PPFIA2: variants seen among roughly 807,000 people sequenced by gnomAD.
The protein encoded by PPFIA2 is PPFI scaffold protein A2, also known as liprin-alpha-2.
Under a neutral mutation model 175.5 loss-of-function variants are expected in PPFIA2, and 46 were observed. The ratio of observed to expected loss-of-function variants is 0.26; its 90% CI spans 0.21 to 0.34. The LOEUF (loss-of-function observed/expected upper bound fraction) is 0.34. PPFIA2 is among the 10% of genes least tolerant of loss of function. PPFIA2 has a pLI of 1.00. For synonymous variants in PPFIA2, 568 were observed against 511.4 expected, an observed-to-expected ratio of 1.11 and a Z score of -1.49; for missense variants, 1,179 against 1,506.1, an observed-to-expected ratio of 0.78 and a Z score of 3.60.
At chr12:81,721,811 A>G (rs2079387172) in intron 3 of PPFIA2, among the ~76,000 whole-genome samples, 1 of 151,020 alleles carries the variant, frequency 6.6e-6, no homozygotes, top group East Asian at 1.9e-4. Flanking sequence ...TGTTTGTTTG[A>G]TCTGGGATAA....
At chr12:81,433,877 G>T (rs1039027945) in intron 7 of PPFIA2, among the ~76,000 whole-genome samples, 1 of 152,080 alleles carries the variant, frequency 6.6e-6, no homozygotes, top group Non-Finnish European at 1.5e-5. Context: ...TTGAACAGTC[G>T]TAATACAGGC....
intron 4 of PPFIA2, among the ~76,000 whole-genome samples, chr12:81,639,966 A>G (rs2064735835): frequency 6.6e-6 from 1 of 152,208 alleles, no homozygotes; most frequent in Non-Finnish European, 1.5e-5. Context: ...AATTTCTTAT[A>G]TAAATTGAAA....
In PPFIA2 at chr12:81,281,787, ATC is replaced by A. The variant is rs542100711; in HGVS notation, c.3019-339_3019-338del. Among the ~76,000 whole-genome samples the A allele has an allele frequency of 7.7e-4, 117 of 152,154 alleles. 1 individual carries two copies. The highest frequency in any genetic ancestry group is 1.2e-3 in the East Asian group (6 of 5,184). ...AAATTGATAGGTTTGTTTTATTTGTATCTGTCATTTCCCTCTTGTCAATGCAC... is the reference window on the plus strand; with the variant it reads ...AAATTGATAGGTTTGTTTTATTTGTATGTCATTTCCCTCTTGTCAATGCAC... On this transcript the variant is annotated intron_variant, in intron 26 of 32. Coordinates refer to ENST00000549396, the MANE Select transcript of PPFIA2 (RefSeq NM_003625.5).
intron 4 of PPFIA2, among the ~76,000 whole-genome samples, chr12:81,603,703 T>C (rs926387026): frequency 6.6e-6 from 1 of 151,434 alleles, no homozygotes; most frequent in Non-Finnish European, 1.5e-5. Flanking sequence ...CATGGACACA[T>C]GGCATTTAAT....
intron 4 of PPFIA2, among the ~76,000 whole-genome samples, chr12:81,556,170 T>C (rs182361721): frequency 9.9e-5 from 15 of 152,066 alleles, no homozygotes; most frequent in Admixed American, 4.6e-4. Context: ...ACTTTTCAAT[T>C]ATCTTTACTT....
In PPFIA2 at chr12:81,742,747, T is replaced by C. The variant is rs558821966; in HGVS notation, c.249+11226A>G. Among the ~76,000 whole-genome samples the C allele has an allele frequency of 1.8e-3, 275 of 152,074 alleles. 3 individuals are homozygous for C. Among genetic ancestry groups the C allele is most frequent in the Non-Finnish European group, 1.5e-3 (101 of 67,994 alleles). ...AAGGTTCAGGATCCTGGCCCTGGAGTAATCAAGCATTAAGATGCCAGGAAG... is the reference window on the plus strand; with the variant it reads ...AAGGTTCAGGATCCTGGCCCTGGAGCAATCAAGCATTAAGATGCCAGGAAG... On this transcript the variant is annotated intron_variant, in intron 3 of 32. Transcript: ENST00000549396.
chr12:81,755,523 C>A (rs1246982470), intron 2 of PPFIA2, among the ~76,000 whole-genome samples: 1 of 152,088 alleles, frequency 6.6e-6, no homozygotes, highest in Non-Finnish European at 1.5e-5. Context: ...AATAGAATGT[C>A]AAGATTTAAC....
In PPFIA2 at chr12:81,598,909, CAT is replaced by C. The variant is rs202214861; in HGVS notation, c.303+77880_303+77881del. The stretch of plus-strand genomic sequence containing the variant: ...ACAATCAGTGCTTCAAAAAGTACCA[CAT>C]ATTTGTTTTAAATAATCACAACCTT... On this transcript the variant is annotated intron_variant, in intron 4 of 32. Coordinates refer to ENST00000549396, the MANE Select transcript of PPFIA2 (RefSeq NM_003625.5). Among the ~76,000 whole-genome samples, 616 of 152,084 alleles carry C rather than the reference CAT, an allele frequency of 4.1e-3. 4 individuals are homozygous for C. The highest frequency in any genetic ancestry group is 0.014 in the African/African-American group (573 of 41,514).
intron 9 of PPFIA2, among the ~76,000 whole-genome samples, chr12:81,383,557 T>C (rs1595880442): frequency 6.6e-6 from 1 of 152,108 alleles, no homozygotes; most frequent in Non-Finnish European, 1.5e-5. Context: ...GAATTTAATA[T>C]ATAGACAAAG....
chr12:81,508,009 T>A (rs142939629), intron 4 of PPFIA2, among the ~76,000 whole-genome samples: 1 of 152,280 alleles, frequency 6.6e-6, no homozygotes, highest in Non-Finnish European at 1.5e-5. Context: ...CCAAAGAGTA[T>A]CTACTCCTAC....
chr12:81,692,887 T>C (rs1398655907), intron 3 of PPFIA2, among the ~76,000 whole-genome samples: 2 of 152,086 alleles, frequency 1.3e-5, no homozygotes, highest in African/African-American at 4.8e-5. Flanking sequence ...CATATAACTA[T>C]CAATAAAGAT....
At chr12:81,645,101 A>G (rs1323710062) in intron 4 of PPFIA2, among the ~76,000 whole-genome samples, 2 of 152,052 alleles carry the variant, frequency 1.3e-5, no homozygotes, top group Non-Finnish European at 1.5e-5. Context: ...CTAAGTACAG[A>G]GGAGTCATAT....
At chr12:81,612,978 T>TAATG (rs1434244938) in intron 4 of PPFIA2, among the ~76,000 whole-genome samples, 1 of 152,220 alleles carries the variant, frequency 6.6e-6, no homozygotes, top group Admixed American at 6.5e-5. Flanking sequence ...TGATAGCCCA[T>TAATG]AATGACCTTT....
At chr12:81,706,057 T>A (rs1367635645) in intron 3 of PPFIA2, among the ~76,000 whole-genome samples, 1 of 152,220 alleles carries the variant, frequency 6.6e-6, no homozygotes, top group Non-Finnish European at 1.5e-5. Flanking sequence ...TTTCAAAAAT[T>A]TGAAACTGCA....
intron 18 of PPFIA2, 139 bp from the exon 19 acceptor site, chr12:81,344,832 T>C (rs1009464872): frequency 2.2e-5 from 14 of 622,500 alleles, no homozygotes; most frequent in African/African-American, 2.2e-4. Flanking sequence ...AATAAACATA[T>C]TTTAATTACT....
rs1436269283 is a variant in PPFIA2 at position 81,259,519 on chromosome 12, T to TC, written c.*174dup. On this transcript the variant is annotated 3_prime_UTR_variant, in exon 33 of 33. Coordinates refer to ENST00000549396, the MANE Select transcript of PPFIA2 (RefSeq NM_003625.5). ...AAACTAATCAAATGTAATATCTGAC[T>TC]CCCCCCAAAAATCACATTTTTCAGC... is the stretch of plus-strand genomic sequence containing the variant. 4.8e-5 allele frequency: 45 copies of TC among 941,998 alleles called. No individual in the cohort carries two copies. In the East Asian group the frequency reaches 1.1e-3, roughly 23 times the overall value. 58.4% of individuals were successfully genotyped at this position (941,998 alleles called of 1,614,324 possible). A position where few individuals can be genotyped will look rare whatever the true frequency, so the allele number is the denominator to read the frequency against.
At chr12:81,723,153 C>T (rs868736784) in intron 3 of PPFIA2, among the ~76,000 whole-genome samples, 1 of 151,004 alleles carries the variant, frequency 6.6e-6, no homozygotes, top group Non-Finnish European at 1.5e-5. Flanking sequence ...TTTTACCTTG[C>T]TGCTTCATAT....
chr12:81,525,444 G>T (rs1179341565), intron 4 of PPFIA2, among the ~76,000 whole-genome samples: 1 of 152,124 alleles, frequency 6.6e-6, no homozygotes, highest in Non-Finnish European at 1.5e-5. Context: ...GCAGGTAAGG[G>T]AAATATTCCT....
intron 4 of PPFIA2, among the ~76,000 whole-genome samples, chr12:81,576,514 A>T (rs1260106490): frequency 6.6e-6 from 1 of 151,646 alleles, no homozygotes; most frequent in Non-Finnish European, 1.5e-5. Context: ...TACTTATTCT[A>T]TTTTTACTGT....
Sources: allele counts gnomAD v4.1 joint callset (sites outside exome capture counted in the v4.1 genomes callset), GRCh38; gene constraint gnomAD v4.1.1; transcripts MANE v1.5; gene names NCBI Gene and HGNC (gene_info 2026-07-23, HGNC 2026-07-21).